Variants in PHLPP1 observed in about 807,000 individuals in gnomAD.
The protein encoded by PHLPP1 is PH domain and leucine rich repeat protein phosphatase 1.
In PHLPP1, 42 loss-of-function variants were observed where a neutral mutation model predicts 117.2. That is an observed-to-expected ratio of 0.36 (90% confidence interval 0.28 to 0.46). PHLPP1 has a LOEUF of 0.46. Among genes scored for constraint, PHLPP1 ranks in the 20% least tolerant of loss-of-function variants. The pLI, the probability that PHLPP1 is intolerant of heterozygous loss-of-function variation, is 1.00. For synonymous variants in PHLPP1, 1,042 were observed against 970.7 expected (o/e 1.07, Z -1.37); for missense variants, 2,084 against 2,241.9 (o/e 0.93, Z 1.42).
At chr18:62,829,236 T>C (rs1914690648) in intron 1 of PHLPP1, among the ~76,000 whole-genome samples, 1 of 152,220 alleles carries the variant, frequency 6.6e-6, no homozygotes, top group Non-Finnish European at 1.5e-5. Context: ...ATTTCTTTTC[T>C]AATGTTTCCT....
intron 1 of PHLPP1, among the ~76,000 whole-genome samples, chr18:62,792,868 CAAAAAAAAAAAA>C (rs71160870): frequency 1.8e-5 from 1 of 56,850 alleles, no homozygotes; most frequent in East Asian, 6.9e-4. Flanking sequence ...GCCTCTGTCT[CAAAAAAAAAAAA>C]AAAAAAAAAA....
intron 1 of PHLPP1, among the ~76,000 whole-genome samples, chr18:62,827,793 C>T (rs903812660): frequency 2.8e-4 from 42 of 152,214 alleles, no homozygotes; most frequent in Admixed American, 6.5e-4. Flanking sequence ...TTAAAGATCC[C>T]TTCTGGCCTT....
chr18:62,726,321 CTTT>C (rs76301799), intron 1 of PHLPP1, among the ~76,000 whole-genome samples: 1 of 139,574 alleles, frequency 7.2e-6, no homozygotes, highest in African/African-American at 2.6e-5. Context: ...CCCTTGCCTG[CTTT>C]TTTTTTTTGG....
intron 4 of PHLPP1, among the ~76,000 whole-genome samples, chr18:62,892,949 A>T (rs1916464317): frequency 6.6e-6 from 1 of 151,082 alleles, no homozygotes; most frequent in African/African-American, 2.4e-5. Context: ...GGGGTCCCCC[A>T]AGCATGCTTT....
intron 3 of PHLPP1, among the ~76,000 whole-genome samples, chr18:62,843,420 A>T (rs1289038552): frequency 6.6e-6 from 1 of 152,108 alleles, no homozygotes; most frequent in Non-Finnish European, 1.5e-5. Context: ...GAGAAATGTT[A>T]TTTTTTGTTC....
chr18:62,728,435 C>T (rs1911138557), intron 1 of PHLPP1, among the ~76,000 whole-genome samples: 2 of 151,934 alleles, frequency 1.3e-5, no homozygotes, highest in Admixed American at 1.3e-4. Flanking sequence ...GAACTTTTTT[C>T]ACCTTCTGGA....
intron 1 of PHLPP1, among the ~76,000 whole-genome samples, chr18:62,778,029 TCATAC>T (rs1253042382): frequency 1.3e-5 from 2 of 152,216 alleles, no homozygotes; most frequent in Non-Finnish European, 2.9e-5. Flanking sequence ...AATCTCCATG[TCATAC>T]CATATGACAA....
chr18:62,718,262 TAAATC>T (rs1197831756), intron 1 of PHLPP1, among the ~76,000 whole-genome samples: 14 of 152,230 alleles, frequency 9.2e-5, no homozygotes, highest in African/African-American at 3.4e-4. Flanking sequence ...ATAGCAAAAT[TAAATC>T]AAGAGTGTTA....
chr18:62,716,286 C>T lies in PHLPP1; in HGVS notation c.603C>T (p.Arg201=). 1.3e-6 allele frequency: 2 copies of T among 1,531,248 alleles called. No homozygotes were observed. Among genetic ancestry groups the T allele is most frequent in the Non-Finnish European group, 1.7e-6 (2 of 1,145,246 alleles). The allele number at this position is 1,531,248 out of a possible 1,614,324, so 94.9% of individuals were successfully genotyped here. Reference sequence around the variant, plus strand: ...ACTGGGTGAGGCACCAGCTCCAGCGCGGCTGCGTGCACGTCTTCGACCGCC... The same window carrying T: ...ACTGGGTGAGGCACCAGCTCCAGCGTGGCTGCGTGCACGTCTTCGACCGCC... ...DRDWVRHQLQ[R]GCVHVFDRHM... Residue 201 remains arginine, a synonymous_variant, in exon 1 of 17, where the codon CGC becomes CGT. Coordinates refer to ENST00000262719, the MANE Select transcript of PHLPP1 (RefSeq NM_194449.4). This position sits in a 1 kb window ranked among gnomAD's most constrained non-coding sequence, Gnocchi z 5.7.
At position 62,980,391 on chromosome 18, in the gene PHLPP1, C is replaced by T. The variant is rs1911340330; in HGVS notation, c.*960C>T. 1 of 152,580 alleles carries T rather than the reference C, an allele frequency of 6.6e-6. No individual in the cohort carries two copies. Among genetic ancestry groups the T allele is most frequent in the African/African-American group, 2.4e-5 (1 of 41,428 alleles). The allele number at this position is 152,580 out of a possible 1,614,324, so 9.5% of individuals were successfully genotyped here. A position where few individuals can be genotyped will look rare whatever the true frequency, so the allele number is the denominator to read the frequency against. ...TACTCAAGCAGAATGCACAAATGGA[C>T]ATGTCATAATTTTTGTTACAATAAA... On this transcript the variant is annotated 3_prime_UTR_variant, in exon 17 of 17. Transcript: ENST00000262719.
intron 4 of PHLPP1, among the ~76,000 whole-genome samples, chr18:62,871,755 C>A (rs1303246948): frequency 6.6e-6 from 1 of 151,612 alleles, no homozygotes; most frequent in Non-Finnish European, 1.5e-5. Flanking sequence ...GGCGATTCTC[C>A]TGCCTCAGCC....
chr18:62,816,573 AT>A (rs1914281230), intron 1 of PHLPP1, among the ~76,000 whole-genome samples: 2 of 151,990 alleles, frequency 1.3e-5, no homozygotes, highest in South Asian at 4.1e-4. Flanking sequence ...TCTCAAAAAA[AT>A]AAAAATAAAT....
At chr18:62,922,461 T>C (rs959209303) in intron 10 of PHLPP1, among the ~76,000 whole-genome samples, 1 of 152,196 alleles carries the variant, frequency 6.6e-6, no homozygotes, top group Non-Finnish European at 1.5e-5. Context: ...TACGTTAATA[T>C]CAAAGCACAG....
At chr18:62,765,859 G>A (rs1289188856) in intron 1 of PHLPP1, among the ~76,000 whole-genome samples, 3 of 150,728 alleles carry the variant, frequency 2.0e-5, no homozygotes, top group African/African-American at 4.9e-5. Context: ...TTAGCTGGGT[G>A]TGGTGGCAGG....
chr18:62,826,071 T>G (rs1240644634), intron 1 of PHLPP1, among the ~76,000 whole-genome samples: 1 of 152,188 alleles, frequency 6.6e-6, no homozygotes, highest in Non-Finnish European at 1.5e-5. Flanking sequence ...TTGAGTGATT[T>G]CACCATCCTT....
intron 3 of PHLPP1, among the ~76,000 whole-genome samples, chr18:62,849,832 A>AAATATAT (rs1555677083): frequency 3.6e-4 from 12 of 33,086 alleles, no homozygotes; most frequent in Non-Finnish European, 5.8e-4. Context: ...AAAAAAAAAA[A>AAATATAT]ATATATATAT....
At chr18:62,915,525 T>G (rs1909243838) in intron 9 of PHLPP1, among the ~76,000 whole-genome samples, 2 of 152,242 alleles carry the variant, frequency 1.3e-5, no homozygotes, top group African/African-American at 4.8e-5. Context: ...TCCTTCTCTC[T>G]CTTAAATATG....
chr18:62,879,058 T>A (rs960511679), intron 4 of PHLPP1, among the ~76,000 whole-genome samples: 5 of 152,240 alleles, frequency 3.3e-5, no homozygotes, highest in Admixed American at 2.6e-4. Flanking sequence ...ATTCATGAAA[T>A]GCCTACATCA....
intron 8 of PHLPP1, among the ~76,000 whole-genome samples, chr18:62,906,578 G>A (rs1483084279): frequency 3.1e-5 from 3 of 97,656 alleles, no homozygotes; most frequent in Admixed American, 2.3e-4. Flanking sequence ...ACTCCCACCC[G>A]AATATTGCGC....
Sources: gnomAD v4.1 joint callset for allele counts (sites outside exome capture counted in the v4.1 genomes callset) on GRCh38, gnomAD v4.1.1 for gene constraint, Gnocchi (gnomAD v3.1) non-coding constraint, MANE v1.5 for transcripts, NCBI Gene and HGNC (gene_info 2026-07-23, HGNC 2026-07-21) for gene names.